The following UBXN4 variants were observed in gnomAD, a reference collection of about 807,000 sequenced individuals.
The protein encoded by UBXN4 is UBX domain protein 4, also known as UBX domain-containing protein 4.
In UBXN4, 35 loss-of-function variants were observed where a neutral mutation model predicts 66.2. The ratio of observed to expected loss-of-function variants is 0.53; its 90% CI spans 0.40 to 0.70. The LOEUF is 0.70. Among genes scored for constraint, UBXN4 ranks in the 30% least tolerant of loss-of-function variants. The pLI is 0.00. For missense variants in UBXN4, 533 were observed against 599.8 expected (o/e 0.89, Z 1.16); for synonymous variants, 203 against 204.5 (o/e 0.99, Z 0.06).
At position 135,783,014 on chromosome 2, in the gene UBXN4, C is replaced by T. The variant is rs1384464150; in HGVS notation, c.*127C>T. ...TCTATAAAATGTCTCTTTATTCCTG[C>T]TTAGTGGGTGTGGGTTGAAGGTGTT... On this transcript the variant is annotated 3_prime_UTR_variant, in exon 13 of 13. Transcript: ENST00000272638. The T allele has an allele frequency of 2.0e-6, 2 of 1,006,012 alleles. No individual in the cohort carries two copies. Among genetic ancestry groups the T allele is most frequent in the Non-Finnish European group, 2.9e-6 (2 of 697,560 alleles). 62.3% of individuals were successfully genotyped at this position (1,006,012 alleles called of 1,614,324 possible). A position where few individuals can be genotyped will look rare whatever the true frequency, so the allele number is the denominator to read the frequency against.
intron 9 of UBXN4, among the ~76,000 whole-genome samples, chr2:135,772,928 G>T (rs534116001): frequency 5.9e-5 from 9 of 151,328 alleles, no homozygotes; most frequent in South Asian, 2.1e-4. Context: ...TCCCAGCTAC[G>T]CGGGAGGCTG....
Position 135,769,781 on chromosome 2 carries a change from A to T in UBXN4, c.615A>T (p.Lys205Asn). 6.3e-7 allele frequency: 1 copy of T among 1,591,876 alleles called. No individual in the cohort carries two copies. Among genetic ancestry groups the T allele is most frequent in the Non-Finnish European group, 8.5e-7 (1 of 1,173,044 alleles). ...LNIRVERLTK[K>N]LEERREEKRK... Reference sequence around the variant, plus strand: ...TTTTTTAATACAGACTAACAAAAAAACTTGAAGAAAGGAGAGAAGAGAAAA... The same window carrying T: ...TTTTTTAATACAGACTAACAAAAAATCTTGAAGAAAGGAGAGAAGAGAAAA... The change falls in exon 7 of 13, where the codon AAA becomes AAT. Residue 205 changes from lysine (K) to asparagine (N), a missense_variant. This residue lies in a region of UBXN4 where 529 missense variants were observed against 580.1 expected (regional missense o/e 0.91). Coordinates refer to ENST00000272638, the MANE Select transcript of UBXN4 (RefSeq NM_014607.4).
intron 2 of UBXN4, among the ~76,000 whole-genome samples, chr2:135,752,146 C>G (rs1490868289): frequency 6.6e-6 from 1 of 152,034 alleles, no homozygotes; most frequent in Non-Finnish European, 1.5e-5. Context: ...CTCCTGGGTT[C>G]ATGCAGTTCT....
intron 4 of UBXN4, among the ~76,000 whole-genome samples, chr2:135,754,844 G>T (rs1308450262): frequency 6.6e-6 from 1 of 152,100 alleles, no homozygotes; most frequent in East Asian, 1.9e-4. Context: ...GAGTGCAGTG[G>T]ACTGATCTCA....
intron 6 of UBXN4, among the ~76,000 whole-genome samples, chr2:135,762,977 C>T (rs969632389): frequency 4.6e-5 from 7 of 152,082 alleles, no homozygotes; most frequent in South Asian, 2.1e-4. Context: ...TGGGGTCAGG[C>T]GCTATTTAGT....
At chr2:135,742,228 G>T (rs573650206) in intron 1 of UBXN4, among the ~76,000 whole-genome samples, 205 of 152,276 alleles carry the variant, frequency 1.3e-3, no homozygotes, top group African/African-American at 4.6e-3. Flanking sequence ...GCTCCTTCAG[G>T]CCCCGGGCGC....
At chr2:135,763,442 G>T (rs1451445799) in intron 6 of UBXN4, among the ~76,000 whole-genome samples, 1 of 152,196 alleles carries the variant, frequency 6.6e-6, no homozygotes, top group African/African-American at 2.4e-5. Flanking sequence ...AGAATTATAT[G>T]AAGTTCTATA....
chr2:135,762,343 T>C (rs183074218), intron 6 of UBXN4, among the ~76,000 whole-genome samples: 53 of 152,342 alleles, frequency 3.5e-4, no homozygotes, highest in Middle Eastern at 3.4e-3. Context: ...TACAAATTTC[T>C]GGCTCTTTGT....
intron 5 of UBXN4, among the ~76,000 whole-genome samples, chr2:135,756,283 T>A (rs1209165126): frequency 6.6e-6 from 1 of 152,162 alleles, no homozygotes; most frequent in Non-Finnish European, 1.5e-5. Flanking sequence ...GTTAGGATAT[T>A]AGTGTCCTAA....
chr2:135,743,865 A>G (rs1352385281), intron 1 of UBXN4, among the ~76,000 whole-genome samples: 3 of 151,992 alleles, frequency 2.0e-5, no homozygotes, highest in African/African-American at 4.8e-5. Context: ...GGTTTTGTGT[A>G]TATATATATA....
intron 3 of UBXN4, 86 bp from the exon 4 acceptor site, chr2:135,754,073 C>T: frequency 1.1e-6 from 1 of 916,538 alleles, no homozygotes; most frequent in Non-Finnish European, 1.7e-6. Flanking sequence ...TCACAAAGAT[C>T]ATTTGTTTTC....
At chr2:135,772,281 C>G (rs1390272814) in intron 8 of UBXN4, 139 bp from the exon 9 acceptor site, 1 of 930,838 alleles carries the variant, frequency 1.1e-6, no homozygotes, top group African/African-American at 1.7e-5. Context: ...TATGATTGTG[C>G]CACTGCACTC....
chr2:135,756,558 C>A (rs1299556099), intron 5 of UBXN4, among the ~76,000 whole-genome samples: 2 of 152,148 alleles, frequency 1.3e-5, no homozygotes, highest in Admixed American at 6.5e-5. Flanking sequence ...GGTTTTACAT[C>A]GGATGGATCA....
chr2:135,762,280 A>G (rs1260058238), intron 6 of UBXN4, among the ~76,000 whole-genome samples: 1 of 152,228 alleles, frequency 6.6e-6, no homozygotes, highest in African/African-American at 2.4e-5. Flanking sequence ...TAAGTTCTGC[A>G]TAAGTGGGTG....
chr2:135,755,808 T>G, intron 5 of UBXN4, 117 bp downstream of exon 5: 1 of 703,820 alleles, frequency 1.4e-6, no homozygotes, highest in Non-Finnish European at 1.8e-6. Context: ...TTATTTAACT[T>G]AAAATTTAAG....
chr2:135,747,791 C>T (rs1425066595), intron 1 of UBXN4: 2 of 414,968 alleles, frequency 4.8e-6, no homozygotes, highest in Non-Finnish European at 9.7e-6. Flanking sequence ...TGCGCCACCA[C>T]ACCTGGCTAA....
At chr2:135,762,480 G>A (rs1008955370) in intron 6 of UBXN4, among the ~76,000 whole-genome samples, 6 of 152,088 alleles carry the variant, frequency 3.9e-5, no homozygotes, top group Non-Finnish European at 5.9e-5. Context: ...CCCCTTTAGC[G>A]TTAGTTATAT....
At chr2:135,742,890 A>G (rs2077185533) in intron 1 of UBXN4, 1 of 152,118 alleles carries the variant, frequency 6.6e-6, no homozygotes. Context: ...TTAGGCTAAA[A>G]TCTACACGAC....
At chr2:135,777,332 T>A (rs1176583629) in intron 10 of UBXN4, among the ~76,000 whole-genome samples, 1 of 152,192 alleles carries the variant, frequency 6.6e-6, no homozygotes, top group African/African-American at 2.4e-5. Flanking sequence ...AATTAGGGAT[T>A]TGGGTTCAGA....
Sources: gnomAD v4.1 joint callset for allele counts (sites outside exome capture counted in the v4.1 genomes callset) on GRCh38, gnomAD v4.1.1 for gene constraint, gnomAD v4.1.1 regional missense constraint, MANE v1.5 for transcripts, NCBI Gene and HGNC (gene_info 2026-07-23, HGNC 2026-07-21) for gene names.